The following GLI2 variants were observed in gnomAD, a reference collection of about 807,000 sequenced individuals.
GLI2 encodes the protein transcription activator GLI2.
Under a neutral mutation model 78.9 loss-of-function variants are expected in GLI2, and 22 were observed. The observed-to-expected ratio is 0.28, with a 90% CI of 0.20 to 0.40. GLI2 has a LOEUF of 0.40. Ranked by LOEUF, GLI2 falls within the 10% of genes least tolerant of loss-of-function variation. The probability of loss-of-function intolerance (pLI) is 1.00; values close to 1 mark genes in which losing one functional copy is unlikely to be tolerated. For missense variants in GLI2, 2,097 were observed against 2,213.2 expected (o/e 0.95, Z 1.05); for synonymous variants, 974 against 963.7 (o/e 1.01, Z -0.20).
At chr2:120,858,667 G>T (rs895536728) in intron 2 of GLI2, among the ~76,000 whole-genome samples, 2 of 152,198 alleles carry the variant, frequency 1.3e-5, no homozygotes, top group Non-Finnish European at 2.9e-5. Context: ...CAGCCCAGTG[G>T]CCGGAGGCTG....
At position 120,988,622 on chromosome 2, in the gene GLI2, C is replaced by G. The variant is rs572826436; in HGVS notation, c.2657C>G (p.Thr886Ser). The G allele has an allele frequency of 3.0e-4, 444 of 1,459,410 alleles. 7 individuals carry two copies. The South Asian group carries it at 4.9e-3, about 16-fold the overall frequency. 90.4% of individuals were successfully genotyped at this position (1,459,410 alleles called of 1,614,324 possible). ...GCAGCCACTGGCGGCCCCCCGCCCACTCCGCTGCCGGGCCTGGAGCGCATG... is the reference window on the plus strand; with the variant it reads ...GCAGCCACTGGCGGCCCCCCGCCCAGTCCGCTGCCGGGCCTGGAGCGCATG... ...YAAATGGPPP[T>S]PLPGLERMSL... Residue 886 changes from threonine to serine, a missense_variant, in exon 14 of 14, where the codon ACT becomes AGT. Thr to Ser is a moderately conservative substitution (Grantham distance 58). This residue lies in a region of GLI2 where 1,290 missense variants were observed against 1,261.7 expected (regional missense o/e 1.02). Transcript: ENST00000361492.
At chr2:120,821,164 A>G (rs1165833787) in intron 2 of GLI2, among the ~76,000 whole-genome samples, 1 of 152,120 alleles carries the variant, frequency 6.6e-6, no homozygotes, top group Non-Finnish European at 1.5e-5. Context: ...TGATGGGGAC[A>G]GTGTTTCCTG....
At chr2:120,975,185 C>T (rs1016564761) in intron 9 of GLI2, 76 bp downstream of exon 9, 32 of 1,426,230 alleles carry the variant, frequency 2.2e-5, no homozygotes, top group South Asian at 9.5e-5. Flanking sequence ...CTTCCAGGGC[C>T]TCTACTAGAC....
intron 2 of GLI2, among the ~76,000 whole-genome samples, chr2:120,849,669 G>A (rs931632763): frequency 3.9e-5 from 6 of 152,198 alleles, no homozygotes; most frequent in African/African-American, 1.4e-4. Flanking sequence ...CAAGTTTCCA[G>A]TCCCTCTTCT....
intron 2 of GLI2, among the ~76,000 whole-genome samples, chr2:120,864,383 C>T (rs1476596030): frequency 6.6e-6 from 1 of 152,182 alleles, no homozygotes; most frequent in Non-Finnish European, 1.5e-5. Context: ...CCCTGCAAGT[C>T]CTGCTCTGTG....
chr2:120,800,749 GC>G lies in GLI2; in HGVS notation c.148+3284del, dbSNP rs1684669440. On this transcript the variant is annotated intron_variant, in intron 2 of 13. Coordinates refer to ENST00000361492, the MANE Select transcript of GLI2 (RefSeq NM_001374353.1). The surrounding 1 kb of genome is among the most constrained non-coding windows in gnomAD (Gnocchi z 4.1). ...TCTCAATCTCCTGACCTCATGATCC[GC>G]CCGCCTCAGCCTCCCAAAGTGCCGG... Among the ~76,000 whole-genome samples the G allele has an allele frequency of 6.6e-6, 1 of 151,938 alleles. No homozygotes were observed. Among genetic ancestry groups the G allele is most frequent in the African/African-American group, 2.4e-5 (1 of 41,370 alleles).
chr2:120,924,111 A>G (rs948906748), intron 2 of GLI2, among the ~76,000 whole-genome samples: 13 of 152,334 alleles, frequency 8.5e-5, no homozygotes, highest in African/African-American at 3.1e-4. Context: ...GAGCAAGACC[A>G]TGAATGGTAG....
intron 2 of GLI2, among the ~76,000 whole-genome samples, chr2:120,798,302 T>G (rs539644434): frequency 6.6e-6 from 1 of 152,204 alleles, no homozygotes; most frequent in African/African-American, 2.4e-5. Flanking sequence ...ACACAGTTGT[T>G]GGGGGCTTGT....
intron 11 of GLI2, among the ~76,000 whole-genome samples, 153 bp from the exon 12 acceptor site, chr2:120,984,318 G>A (rs1682863613): frequency 6.6e-6 from 1 of 152,148 alleles, no homozygotes; most frequent in South Asian, 2.1e-4. Context: ...GCCATCCACA[G>A]AGCACTGGCT....
intron 2 of GLI2, among the ~76,000 whole-genome samples, chr2:120,907,367 G>A (rs1002362651): frequency 6.6e-6 from 1 of 152,164 alleles, no homozygotes; most frequent in Non-Finnish European, 1.5e-5. Context: ...GTAAACCAGA[G>A]AAACTTCCCT....
At chr2:120,983,782 A>G (rs1361428232) in intron 11 of GLI2, among the ~76,000 whole-genome samples, 1 of 152,226 alleles carries the variant, frequency 6.6e-6, no homozygotes, top group East Asian at 1.9e-4. Context: ...CTGGACCCCA[A>G]AGGGACTTTG....
intron 2 of GLI2, among the ~76,000 whole-genome samples, chr2:120,868,533 GC>G (rs1688266908): frequency 6.6e-6 from 1 of 152,202 alleles, no homozygotes; most frequent in Admixed American, 6.5e-5. Flanking sequence ...TGCCCCTAAG[GC>G]CTTGCAGGGA....
At chr2:120,754,347 A>G (rs563848202) in intron 1 of GLI2, among the ~76,000 whole-genome samples, 71 of 152,124 alleles carry the variant, frequency 4.7e-4, no homozygotes, top group African/African-American at 1.5e-3. Context: ...ATAAAGTTTG[A>G]CTCGTGTGTG....
intron 1 of GLI2, among the ~76,000 whole-genome samples, chr2:120,780,301 G>T (rs552486789): frequency 2.6e-5 from 4 of 152,322 alleles, no homozygotes; most frequent in African/African-American, 9.6e-5. Flanking sequence ...AGCTCCAGCT[G>T]GGGGCTGAGA....
chr2:120,854,084 C>T (rs901146915), intron 2 of GLI2, among the ~76,000 whole-genome samples: 1 of 152,118 alleles, frequency 6.6e-6, no homozygotes, highest in Non-Finnish European at 1.5e-5. Context: ...TGCCCTCAAA[C>T]TGCTCACATT....
intron 2 of GLI2, among the ~76,000 whole-genome samples, chr2:120,842,860 TG>T (rs1252405101): frequency 6.6e-6 from 1 of 152,254 alleles, no homozygotes; most frequent in African/African-American, 2.4e-5. Context: ...ACCATCTGCC[TG>T]TGAATTCAAA....
At chr2:120,870,267 T>A (rs1444289686) in intron 2 of GLI2, among the ~76,000 whole-genome samples, 1 of 152,202 alleles carries the variant, frequency 6.6e-6, no homozygotes, top group South Asian at 2.1e-4. Context: ...GAGAAACTAA[T>A]GTTTTAGGGA....
At chr2:120,798,073 T>G (rs950144983) in intron 2 of GLI2, among the ~76,000 whole-genome samples, 2 of 152,152 alleles carry the variant, frequency 1.3e-5, no homozygotes, top group Non-Finnish European at 2.9e-5. Context: ...AGGCGAGACC[T>G]CCGCTGTGTC....
intron 1 of GLI2, among the ~76,000 whole-genome samples, chr2:120,748,191 C>T (rs780112540): frequency 3.9e-5 from 6 of 152,236 alleles, no homozygotes; most frequent in Non-Finnish European, 5.9e-5. Flanking sequence ...TTCCCCAAGA[C>T]CCTGGATAGG....
Sources: gnomAD v4.1 joint callset for allele counts (sites outside exome capture counted in the v4.1 genomes callset) on GRCh38, gnomAD v4.1.1 for gene constraint, gnomAD v4.1.1 regional missense constraint, Gnocchi (gnomAD v3.1) non-coding constraint, MANE v1.5 for transcripts, NCBI Gene and HGNC (gene_info 2026-07-23, HGNC 2026-07-21) for gene names.